Variants in ADGRE2 observed in about 807,000 individuals in gnomAD.
The protein encoded by ADGRE2 is CD97 antigen.
Under a neutral mutation model 100.8 loss-of-function variants are expected in ADGRE2, and 83 were observed. The observed-to-expected ratio is 0.82, with a 90% confidence interval of 0.69 to 0.99. The LOEUF (loss-of-function observed/expected upper bound fraction) is 0.99, where lower values mean the gene tolerates loss of function less well. ADGRE2 is among the 50% of genes least tolerant of loss of function. ADGRE2 has a pLI of 0.00. For synonymous variants in ADGRE2, 355 were observed against 413.0 expected (o/e 0.86, Z 1.70); for missense variants, 814 against 1,035.7 (o/e 0.79, Z 2.94).
chr19:14,749,770 G>A (rs12981427), intron 16 of ADGRE2, among the ~76,000 whole-genome samples: 795 of 67,436 alleles, frequency 0.012, 16 homozygotes, highest in East Asian at 0.029. Context: ...GCTATGTTAT[G>A]TAATTATTCA....
At chr19:14,777,549 G>T (rs1177669731) in intron 1 of ADGRE2, among the ~76,000 whole-genome samples, 1 of 151,982 alleles carries the variant, frequency 6.6e-6, no homozygotes, top group African/African-American at 2.4e-5. Flanking sequence ...CAACGAGCAG[G>T]TTTGATACAT....
In ADGRE2 at chr19:14,772,440, C is replaced by T. The variant is rs760084534; in HGVS notation, c.257G>A (p.Trp86Ter). Residue 86 changes from tryptophan (W) to a stop codon, truncating the protein, a stop_gained, in exon 5 of 21, where the codon TGG (tryptophan) becomes TAG (stop). Coordinates refer to ENST00000315576, the MANE Select transcript of ADGRE2 (RefSeq NM_013447.4). LOFTEE classifies it high-confidence loss of function. ...KVSCGKFSDC[W>*]NTEGSYDCVC... Reference sequence around the variant, plus strand: ...GCAGTCGTAGCTCCCCTCTGTGTTCCAGCAGTCCGAGAATTTTCCGCATGA... The same window carrying T: ...GCAGTCGTAGCTCCCCTCTGTGTTCTAGCAGTCCGAGAATTTTCCGCATGA... The T allele has an allele frequency of 1.2e-6, 2 of 1,614,002 alleles. No individual in the cohort carries two copies. The highest frequency in any genetic ancestry group is 2.2e-5 in the South Asian group (2 of 91,070).
At chr19:14,760,350 A>G (rs2043673029) in intron 11 of ADGRE2, among the ~76,000 whole-genome samples, 1 of 152,212 alleles carries the variant, frequency 6.6e-6, no homozygotes, top group African/African-American at 2.4e-5. Context: ...AATAAAAGCA[A>G]TTAAAAACAG....
chr19:14,738,114 T>C (rs766800105), intron 20 of ADGRE2, among the ~76,000 whole-genome samples: 1 of 152,142 alleles, frequency 6.6e-6, no homozygotes, highest in Non-Finnish European at 1.5e-5. Flanking sequence ...AGGTGATAGA[T>C]ATCTTAGTTA....
At chr19:14,731,098 C>T (rs2042667315), downstream of ADGRE2, 2 of 1,360,548 alleles carry the variant, frequency 1.5e-6, no homozygotes. Flanking sequence ...GCCCCCTCCC[C>T]CCAAGGATTG....
chr19:14,773,140 A>AT (rs942059108), intron 4 of ADGRE2, among the ~76,000 whole-genome samples: 8 of 150,296 alleles, frequency 5.3e-5, no homozygotes, highest in African/African-American at 2.0e-4. Flanking sequence ...AGAAAAAAAA[A>AT]CCTATGGCCA....
rs200289912 is a variant in ADGRE2, at chr19:14,761,279, G to A, written c.1084+3154C>T. On this transcript the variant is annotated intron_variant, in intron 11 of 20. Transcript: ENST00000315576. The stretch of plus-strand genomic sequence containing the variant: ...TAATTAGCCGGGCGTGGTGGCGGGC[G>A]CCTGTAGTCCCAGCTACTTGGGAGG... Among the ~76,000 whole-genome samples, 50 of 152,210 alleles carry A rather than the reference G, an allele frequency of 3.3e-4. No homozygotes were observed. In the East Asian group the frequency reaches 3.5e-3, roughly 11 times the overall value.
chr19:14,752,947 C>T (rs994727680), intron 14 of ADGRE2, among the ~76,000 whole-genome samples: 1 of 151,894 alleles, frequency 6.6e-6, no homozygotes, highest in African/African-American at 2.4e-5. Context: ...AATTTTTATA[C>T]TTTTAGTAGA....
chr19:14,730,537 C>T (rs921640271), downstream of ADGRE2, among the ~76,000 whole-genome samples: 1 of 115,374 alleles, frequency 8.7e-6, no homozygotes, highest in African/African-American at 3.0e-5. Flanking sequence ...CTTCCTCTCT[C>T]TTTCTGTATT....
downstream of ADGRE2, among the ~76,000 whole-genome samples, chr19:14,729,952 A>G (rs973412933): frequency 1.4e-4 from 22 of 152,356 alleles, no homozygotes; most frequent in Middle Eastern, 3.4e-3. Context: ...AAGGGCAGAA[A>G]TCCTCAGTTC....
At position 14,770,682 on chromosome 19, in the gene ADGRE2, T is replaced by C. The variant is rs1410406658; in HGVS notation, c.355+1660A>G. ...TTTCTTTCTTTTCTTTTTTTTTTTT[T>C]TTTTTTTTTTTTTTTGAGACAAAGT... is the stretch of plus-strand genomic sequence containing the variant. On this transcript the variant is annotated intron_variant, in intron 5 of 20. Transcript: ENST00000315576. 2.5e-4 allele frequency among the ~76,000 whole-genome samples: 32 copies of C among 126,746 alleles called. 3 individuals carry two copies. The highest frequency in any genetic ancestry group is 7.7e-4 in the African/African-American group (26 of 33,830). 83.2% of individuals were successfully genotyped at this position (126,746 alleles called of 152,430 possible). A position where few individuals can be genotyped will look rare whatever the true frequency, so the allele number is the denominator to read the frequency against.
At position 14,773,801 on chromosome 19, in the gene ADGRE2, C is replaced by T. The variant is rs549319083; in HGVS notation, c.199+137G>A. 10 of 889,346 alleles carry T rather than the reference C, an allele frequency of 1.1e-5. No individual in the cohort carries two copies. In the South Asian group the frequency reaches 1.2e-4, roughly 10 times the overall value. The allele number at this position is 889,346 out of a possible 1,614,324, so 55.1% of individuals were successfully genotyped here. ...TGCTGGGAGCCACCACACCTGCCCTCTTTCTCTTTTCTCTGGCCATGATGA... is the reference window on the plus strand; with the variant it reads ...TGCTGGGAGCCACCACACCTGCCCTTTTTCTCTTTTCTCTGGCCATGATGA... On this transcript the variant is annotated intron_variant, in intron 4 of 20. Coordinates refer to ENST00000315576, the MANE Select transcript of ADGRE2 (RefSeq NM_013447.4).
rs1007313393 is a variant in ADGRE2 at position 14,756,778 on chromosome 19, C to T, written c.1085-433G>A. ...GTCTAATATTGCTCTGATAACAAAA[C>T]CAGATGAAGACATCACAAGAAAATA... is the stretch of plus-strand genomic sequence containing the variant. On this transcript the variant is annotated intron_variant, in intron 11 of 20. Coordinates refer to ENST00000315576, the MANE Select transcript of ADGRE2 (RefSeq NM_013447.4). 4.6e-5 allele frequency among the ~76,000 whole-genome samples: 7 copies of T among 152,174 alleles called. No individual in the cohort carries two copies. In the South Asian group the frequency reaches 1.5e-3, roughly 32 times the overall value.
chr19:14,754,439 T>TTTATC (rs1269462238), intron 14 of ADGRE2, among the ~76,000 whole-genome samples: 1 of 126,248 alleles, frequency 7.9e-6, no homozygotes, highest in African/African-American at 3.1e-5. Context: ...CAGGCAGAAA[T>TTTATC]TATCTATCTA....
chr19:14,732,655 A>G lies in ADGRE2; in HGVS notation c.*3581T>C, dbSNP rs960516962. 2 of 152,214 alleles carry G rather than the reference A, an allele frequency of 1.3e-5. No individual in the cohort carries two copies. The highest frequency in any genetic ancestry group is 4.8e-5 in the African/African-American group (2 of 41,452). The allele number at this position is 152,214 out of a possible 1,614,324, so 9.4% of individuals were successfully genotyped here. On this transcript the variant is annotated 3_prime_UTR_variant, in exon 21 of 21. Transcript: ENST00000315576. ...TTTTCAAATGGGTGAAAACAAATAAAAAGAAGAATGATATTTTGTGTCACA... is the reference window on the plus strand; with the variant it reads ...TTTTCAAATGGGTGAAAACAAATAAGAAGAAGAATGATATTTTGTGTCACA...
rs115448457 is a variant in ADGRE2 at position 14,772,414 on chromosome 19, C to T, written c.283G>A (p.Val95Met). The T allele has an allele frequency of 1.0e-4, 169 of 1,614,080 alleles. No individual in the cohort carries two copies. The African/African-American group carries it at 1.5e-3, about 14-fold the overall frequency. Residue 95 changes from valine (V) to methionine (M), a missense_variant, in exon 5 of 21, where the codon GTG (valine) becomes ATG (methionine). Physicochemically the swap from Val to Met is conservative, Grantham distance 21. Around this residue, in one of 5 missense-constraint regions of ADGRE2, gnomAD observed 143 missense variants for 160.3 expected, o/e 0.89. Transcript: ENST00000315576. Reference protein sequence around the residue: ...CWNTEGSYDCVCSPGYEPVSG... With the variant: ...CWNTEGSYDCMCSPGYEPVSG... ...ACAGGCTCATATCCTGGGCTGCACA[C>T]GCAGTCGTAGCTCCCCTCTGTGTTC...
At chr19:14,740,621 CAA>C (rs3057546) in intron 20 of ADGRE2, among the ~76,000 whole-genome samples, 39,868 of 123,526 alleles carry the variant, frequency 0.32, 5,513 homozygotes, top group Middle Eastern at 0.39. Context: ...AACTCCGTCT[CAA>C]AAAAAAAAAA....
intron 10 of ADGRE2, 58 bp from the exon 11 acceptor site, chr19:14,764,668 C>T (rs1359249252): frequency 6.6e-7 from 1 of 1,508,550 alleles, no homozygotes; most frequent in East Asian, 2.3e-5. Flanking sequence ...CGCATGAAGA[C>T]TCCAACCGCT....
At chr19:14,761,845 T>G (rs553690766) in intron 11 of ADGRE2, among the ~76,000 whole-genome samples, 1 of 152,310 alleles carries the variant, frequency 6.6e-6, no homozygotes, top group Non-Finnish European at 1.5e-5. Context: ...TTGGGCCCTA[T>G]GTAAATTAGA....
Sources: allele counts gnomAD v4.1 joint callset (sites outside exome capture counted in the v4.1 genomes callset), GRCh38; gene constraint gnomAD v4.1.1; regional missense constraint gnomAD v4.1.1; transcripts MANE v1.5; gene names NCBI Gene and HGNC (gene_info 2026-07-23, HGNC 2026-07-21).